Variants in EFCAB11 observed in about 807,000 individuals in gnomAD.
EFCAB11 encodes EF-hand calcium-binding domain-containing protein 11.
Under a neutral mutation model 23.0 loss-of-function variants are expected in EFCAB11, and 14 were observed. That is an observed-to-expected ratio of 0.61 (90% CI 0.40 to 0.95). The LOEUF (loss-of-function observed/expected upper bound fraction) is 0.95, where lower values mean the gene tolerates loss of function less well. EFCAB11 is among the 40% of genes least tolerant of loss of function. The probability of loss-of-function intolerance (pLI) is 0.00; values close to 1 mark genes in which losing one functional copy is unlikely to be tolerated. For missense variants in EFCAB11, 198 were observed against 195.8 expected, an observed-to-expected ratio of 1.01 and a Z score of -0.07; for synonymous variants, 65 against 66.6, an observed-to-expected ratio of 0.98 and a Z score of 0.11.
At chr14:89,850,964 T>G (rs1396810502) in intron 5 of EFCAB11, among the ~76,000 whole-genome samples, 1 of 152,154 alleles carries the variant, frequency 6.6e-6, no homozygotes, top group Non-Finnish European at 1.5e-5. Flanking sequence ...CACATCAATT[T>G]AGTGGGAAGC....
At chr14:89,883,663 C>T (rs763494835) in intron 5 of EFCAB11, among the ~76,000 whole-genome samples, 4 of 152,192 alleles carry the variant, frequency 2.6e-5, no homozygotes, top group Non-Finnish European at 4.4e-5. Context: ...GTTGAATCCA[C>T]AGACATGGAA....
At chr14:89,920,923 C>A (rs192808361) in intron 5 of EFCAB11, among the ~76,000 whole-genome samples, 1 of 151,714 alleles carries the variant, frequency 6.6e-6, no homozygotes, top group Non-Finnish European at 1.5e-5. Context: ...AAATTAGCTG[C>A]GCATAGTGGT....
chr14:89,821,225 CTCAT>C (rs146191949), intron 5 of EFCAB11, among the ~76,000 whole-genome samples: 1,881 of 152,196 alleles, frequency 0.012, 35 homozygotes, highest in African/African-American at 0.043. Flanking sequence ...TGTAAGTGGA[CTCAT>C]TCAATTAGCT....
intron 1 of EFCAB11, 55 bp downstream of exon 1, chr14:89,954,531 C>G: frequency 1.2e-6 from 2 of 1,600,260 alleles, no homozygotes; most frequent in Non-Finnish European, 1.7e-6. Context: ...GGAGAGGAAG[C>G]GAGAGGCCCA....
At chr14:89,853,884 TG>T (rs1887669537) in intron 5 of EFCAB11, among the ~76,000 whole-genome samples, 1 of 152,110 alleles carries the variant, frequency 6.6e-6, no homozygotes, top group Non-Finnish European at 1.5e-5. Flanking sequence ...AGGAAAGAAC[TG>T]AAGTCAGACA....
intron 5 of EFCAB11, among the ~76,000 whole-genome samples, chr14:89,915,489 C>A (rs1207874683): frequency 6.6e-6 from 1 of 152,190 alleles, no homozygotes; most frequent in African/African-American, 2.4e-5. Context: ...TGCAAAGGTG[C>A]TCGGCTCTCA....
Position 89,796,209 on chromosome 14 carries a change from T to A in EFCAB11, c.*1034A>T, listed in dbSNP as rs912459661. 9.8e-5 allele frequency: 15 copies of A among 152,322 alleles called. No homozygotes were observed. The highest frequency in any genetic ancestry group is 3.1e-4 in the African/African-American group (13 of 41,478). 9.4% of individuals were successfully genotyped at this position (152,322 alleles called of 1,614,324 possible). ...CTTGCTCATGTTAGCCCAAGCCGAT[T>A]TCTTTGTCTTGCACAGACAGTGCCC... On this transcript the variant is annotated 3_prime_UTR_variant, in exon 6 of 6. Transcript: ENST00000316738.
At chr14:89,852,989 C>T (rs937571680) in intron 5 of EFCAB11, among the ~76,000 whole-genome samples, 1 of 152,194 alleles carries the variant, frequency 6.6e-6, no homozygotes, top group African/African-American at 2.4e-5. Flanking sequence ...TACAAATCTA[C>T]AGGTACCTTA....
chr14:89,823,896 G>C (rs936976397), intron 5 of EFCAB11, among the ~76,000 whole-genome samples: 1 of 152,092 alleles, frequency 6.6e-6, no homozygotes, highest in Non-Finnish European at 1.5e-5. Flanking sequence ...CTAAATCTGA[G>C]AGAAAAAGAA....
At chr14:89,925,649 T>C (rs1345594513) in intron 5 of EFCAB11, among the ~76,000 whole-genome samples, 1 of 77,086 alleles carries the variant, frequency 1.3e-5, no homozygotes, top group Non-Finnish European at 2.0e-5. Flanking sequence ...TGTTTCTTTC[T>C]TTTTTTTTTT....
rs530425123 is a variant in EFCAB11, at chr14:89,893,876, TAC to T, written c.410+37663_410+37664del. On this transcript the variant is annotated intron_variant, in intron 5 of 5. Transcript: ENST00000316738. ...GATGAATTGATATTAAAACTATACA[TAC>T]ATATACACAGACATGTTATTCATCA... is the stretch of plus-strand genomic sequence containing the variant. 5.8e-3 allele frequency among the ~76,000 whole-genome samples: 879 copies of T among 151,934 alleles called. 8 individuals carry two copies. Among genetic ancestry groups the T allele is most frequent in the African/African-American group, 0.02 (847 of 41,330 alleles).
chr14:89,954,585 C>G lies in EFCAB11; in HGVS notation c.75+1G>C, dbSNP rs1430224376. 5.0e-6 allele frequency: 8 copies of G among 1,613,826 alleles called. No individual in the cohort carries two copies. In the South Asian group the frequency reaches 8.8e-5, roughly 18 times the overall value. On this transcript the variant is annotated splice_donor_variant, in intron 1 of 5. Transcript: ENST00000316738. LOFTEE classifies it high-confidence loss of function. ...GGCTCAGTCGCCCTCCGGAAACCTA[C>G]TTCCACCCACTTCCTGTGTTCCGAG...
chr14:89,858,550 C>T (rs558561479), intron 5 of EFCAB11, among the ~76,000 whole-genome samples: 2 of 152,000 alleles, frequency 1.3e-5, no homozygotes, highest in African/African-American at 2.4e-5. Context: ...AGTGCAGTGG[C>T]GTGATCATGG....
intron 5 of EFCAB11, chr14:89,924,366 C>G: frequency 8.6e-7 from 1 of 1,159,496 alleles, no homozygotes; most frequent in Non-Finnish European, 1.1e-6. Context: ...TGGCAATCTG[C>G]CTGTGCACTC....
intron 5 of EFCAB11, among the ~76,000 whole-genome samples, chr14:89,926,063 G>C (rs753793961): frequency 9.2e-5 from 14 of 151,970 alleles, no homozygotes; most frequent in Non-Finnish European, 1.8e-4. Context: ...TGACCCACTC[G>C]TCTCGGCCTC....
At chr14:89,865,588 A>G (rs1163968405) in intron 5 of EFCAB11, among the ~76,000 whole-genome samples, 5 of 152,054 alleles carry the variant, frequency 3.3e-5, no homozygotes, top group African/African-American at 1.2e-4. Context: ...TGCAGCGTCA[A>G]CCTCCTGGGC....
intron 5 of EFCAB11, among the ~76,000 whole-genome samples, chr14:89,915,223 A>G (rs1412764235): frequency 1.3e-5 from 2 of 152,204 alleles, no homozygotes; most frequent in East Asian, 1.9e-4. Flanking sequence ...GCAATTTCCA[A>G]TATGTGAATA....
intron 5 of EFCAB11, chr14:89,836,595 T>C (rs1317913226): frequency 2.2e-5 from 10 of 456,610 alleles, no homozygotes; most frequent in Non-Finnish European, 4.4e-5. Flanking sequence ...ATGTTCCACA[T>C]GAACCTCCAG....
At chr14:89,851,398 A>C (rs749334537) in intron 5 of EFCAB11, among the ~76,000 whole-genome samples, 2 of 152,208 alleles carry the variant, frequency 1.3e-5, no homozygotes, top group Non-Finnish European at 2.9e-5. Context: ...CTCCCAGTTC[A>C]CAAAAAGAGA....
Sources: allele counts gnomAD v4.1 joint callset (sites outside exome capture counted in the v4.1 genomes callset), GRCh38; gene constraint gnomAD v4.1.1; transcripts MANE v1.5; gene names NCBI Gene and HGNC (gene_info 2026-07-23, HGNC 2026-07-21).